BEND7: variants seen among roughly 807,000 people sequenced by gnomAD.
BEND7 encodes BEN domain-containing protein 7.
BEND7 carries 28 observed loss-of-function variants against 50.9 expected under a neutral mutation model. The observed-to-expected ratio is 0.55, with a 90% confidence interval of 0.41 to 0.75. The LOEUF is 0.75. Among genes scored for constraint, BEND7 ranks in the 30% least tolerant of loss-of-function variants. The pLI is 0.00. For missense variants in BEND7, 477 were observed against 491.3 expected (o/e 0.97, Z 0.28); for synonymous variants, 170 against 183.9 (o/e 0.92, Z 0.61).
intron 5 of BEND7, among the ~76,000 whole-genome samples, chr10:13,488,379 T>C (rs1372828625): frequency 6.6e-6 from 1 of 152,124 alleles, no homozygotes; most frequent in Non-Finnish European, 1.5e-5. Flanking sequence ...CAAATCAATA[T>C]ATATAATCTT....
At chr10:13,513,985 C>G (rs1290313176) in intron 2 of BEND7, among the ~76,000 whole-genome samples, 2 of 152,200 alleles carry the variant, frequency 1.3e-5, no homozygotes, top group African/African-American at 4.8e-5. Context: ...TCTGTGCAGC[C>G]CTGGCCCTGC....
chr10:13,488,918 C>T (rs1168869947), intron 5 of BEND7, among the ~76,000 whole-genome samples: 1 of 152,180 alleles, frequency 6.6e-6, no homozygotes, highest in East Asian at 1.9e-4. Context: ...ATATTTCAGG[C>T]TATTCCCTTT....
At chr10:13,511,925 A>G (rs1383250240) in intron 2 of BEND7, among the ~76,000 whole-genome samples, 7 of 152,202 alleles carry the variant, frequency 4.6e-5, no homozygotes, top group Non-Finnish European at 8.8e-5. Context: ...AATGGCAGGA[A>G]GGACTCCATT....
intron 6 of BEND7, among the ~76,000 whole-genome samples, chr10:13,465,885 G>T (rs74122737): frequency 1.6e-4 from 2 of 12,658 alleles, no homozygotes; most frequent in Admixed American, 1.3e-3. Context: ...TCTCTCTCTC[G>T]TGTGTGTGTG....
intron 6 of BEND7, among the ~76,000 whole-genome samples, chr10:13,468,959 G>T (rs751676040): frequency 3.9e-5 from 6 of 152,168 alleles, no homozygotes; most frequent in African/African-American, 4.8e-5. Context: ...GCCAGCACAG[G>T]CCCCATGCCC....
At chr10:13,499,643 G>C in intron 3 of BEND7, 135 bp downstream of exon 3, 2 of 1,084,904 alleles carry the variant, frequency 1.8e-6, no homozygotes, top group Non-Finnish European at 2.5e-6. Flanking sequence ...GTGTCTCCCT[G>C]TCTTTTAAAG....
chr10:13,481,784 C>T (rs1236842371), intron 5 of BEND7, among the ~76,000 whole-genome samples: 3 of 152,220 alleles, frequency 2.0e-5, no homozygotes, highest in Non-Finnish European at 4.4e-5. Flanking sequence ...GAAACTATGT[C>T]CCAGATCACT....
At chr10:13,507,294 A>G (rs1345773142) in intron 2 of BEND7, among the ~76,000 whole-genome samples, 1 of 152,182 alleles carries the variant, frequency 6.6e-6, no homozygotes, top group East Asian at 1.9e-4. Context: ...CCTCTTGATC[A>G]GAACTGACTG....
chr10:13,523,739 A>G (rs999981372), intron 2 of BEND7, among the ~76,000 whole-genome samples: 22 of 152,238 alleles, frequency 1.4e-4, no homozygotes, highest in African/African-American at 5.3e-4. Context: ...AACACTGTCA[A>G]CAAAAAATTC....
chr10:13,519,048 T>G lies in BEND7; in HGVS notation c.145+7090A>C, dbSNP rs75465981. 6.3e-3 allele frequency among the ~76,000 whole-genome samples: 954 copies of G among 152,342 alleles called. 8 individuals carry two copies. Among genetic ancestry groups the G allele is most frequent in the African/African-American group, 0.021 (888 of 41,570 alleles). On this transcript the variant is annotated intron_variant, in intron 2 of 8. Coordinates refer to ENST00000466271, the MANE Select transcript of BEND7 (RefSeq NM_001369863.1). Reference sequence around the variant, plus strand: ...ATTTCAATGTGGCAGCTGTTAAGTTTCGGAGGAGGATCTGCAGGGTGACTT... The same window carrying G: ...ATTTCAATGTGGCAGCTGTTAAGTTGCGGAGGAGGATCTGCAGGGTGACTT...
Position 13,441,152 on chromosome 10 carries a change from C to A in BEND7, c.*591G>T. 1 of 984,316 alleles carries A rather than the reference C, an allele frequency of 1.0e-6. No homozygotes were observed. The allele number at this position is 984,316 out of a possible 1,614,324, so 61.0% of individuals were successfully genotyped here. ...ATAAAGAGCATCTTGGGAATTGATA[C>A]CACAACACAATGTTATACACCATTT... On this transcript the variant is annotated 3_prime_UTR_variant, in exon 9 of 9. Transcript: ENST00000466271.
chr10:13,497,117 G>C (rs1159966837), intron 3 of BEND7, among the ~76,000 whole-genome samples: 1 of 152,214 alleles, frequency 6.6e-6, no homozygotes, highest in African/African-American at 2.4e-5. Flanking sequence ...TGCGTGCTGT[G>C]GCGCGGTGCG....
intron 2 of BEND7, among the ~76,000 whole-genome samples, chr10:13,519,146 G>A (rs2078905187): frequency 6.6e-6 from 1 of 152,198 alleles, no homozygotes; most frequent in Admixed American, 6.5e-5. Context: ...AAAGAGTAAT[G>A]TTATTACTTA....
intron 2 of BEND7, among the ~76,000 whole-genome samples, chr10:13,501,855 A>C (rs2077498055): frequency 6.6e-6 from 1 of 152,276 alleles, no homozygotes; most frequent in Admixed American, 6.5e-5. Context: ...CAAAAAAAAA[A>C]AAAATCTTAG....
downstream of BEND7, chr10:13,439,376 C>T: frequency 6.2e-7 from 1 of 1,614,186 alleles, no homozygotes. Flanking sequence ...CGAGATGCTG[C>T]TCCTCCCAGG....
intron 6 of BEND7, among the ~76,000 whole-genome samples, chr10:13,468,945 A>G (rs1325686258): frequency 6.6e-6 from 1 of 152,232 alleles, no homozygotes; most frequent in African/African-American, 2.4e-5. Context: ...CTCTTCAGAA[A>G]GAGGCCAGCA....
chr10:13,523,207 A>C (rs754365028), intron 2 of BEND7, among the ~76,000 whole-genome samples: 2 of 152,210 alleles, frequency 1.3e-5, no homozygotes, highest in Admixed American at 6.5e-5. Context: ...ACAGTGCTTA[A>C]ATCTTCACTG....
chr10:13,451,205 A>G (rs1403229137), intron 7 of BEND7, among the ~76,000 whole-genome samples: 4 of 147,138 alleles, frequency 2.7e-5, no homozygotes, highest in Non-Finnish European at 6.0e-5. Context: ...TTTTTTTTTT[A>G]AAGAAACAGG....
At chr10:13,488,777 G>C (rs140275018) in intron 5 of BEND7, among the ~76,000 whole-genome samples, 2 of 152,150 alleles carry the variant, frequency 1.3e-5, no homozygotes, top group Admixed American at 6.5e-5. Context: ...GTGAGCCACC[G>C]CGCCCGGCCT....
Sources: gnomAD v4.1 joint callset for allele counts (sites outside exome capture counted in the v4.1 genomes callset) on GRCh38, gnomAD v4.1.1 for gene constraint, MANE v1.5 for transcripts, NCBI Gene and HGNC (gene_info 2026-07-23, HGNC 2026-07-21) for gene names.